Variants in ACMSD observed in about 807,000 individuals in gnomAD.
The protein encoded by ACMSD is 2-amino-3-carboxymuconate-6-semialdehyde decarboxylase.
ACMSD carries 37 observed loss-of-function variants against 45.9 expected under a neutral mutation model. That is an observed-to-expected ratio of 0.81 (90% CI 0.62 to 1.06). ACMSD has a LOEUF of 1.06. Among genes scored for constraint, ACMSD ranks in the 50% least tolerant of loss-of-function variants. The pLI, the probability that ACMSD is intolerant of heterozygous loss-of-function variation, is 0.00. For synonymous variants in ACMSD, 138 were observed against 148.8 expected, an observed-to-expected ratio of 0.93 and a Z score of 0.53; for missense variants, 434 against 420.9, an observed-to-expected ratio of 1.03 and a Z score of -0.27.
At chr2:134,872,851 CTA>C in intron 8 of ACMSD, 1 of 551,600 alleles carries the variant, frequency 1.8e-6, no homozygotes, top group East Asian at 3.0e-5. Context: ...CACTAAGAAA[CTA>C]TTATATATGC....
rs1225345766 is a variant in ACMSD at position 134,845,554 on chromosome 2, T to TCC, written c.102+280_102+281dup. Among the ~76,000 whole-genome samples, 23 of 119,686 alleles carry TCC rather than the reference T, an allele frequency of 1.9e-4. No individual in the cohort carries two copies. The East Asian group carries it at 3.5e-3, about 18-fold the overall frequency. 78.5% of individuals were successfully genotyped at this position (119,686 alleles called of 152,430 possible). A position where few individuals can be genotyped will look rare whatever the true frequency, so the allele number is the denominator to read the frequency against. On this transcript the variant is annotated intron_variant, in intron 2 of 9. Transcript: ENST00000356140. ...CTCTCTCTCTCTCTCTCTCTCTCTC[T>TCC]CCCCTCTCCCCACCCCCACCAACCA...
At chr2:134,843,559 C>T (rs973757637) in intron 1 of ACMSD, among the ~76,000 whole-genome samples, 2 of 152,148 alleles carry the variant, frequency 1.3e-5, no homozygotes, top group Non-Finnish European at 2.9e-5. Context: ...GAAAGGAGTC[C>T]ACCAAGACCT....
intron 8 of ACMSD, among the ~76,000 whole-genome samples, chr2:134,884,561 G>T (rs1000628332): frequency 2.8e-4 from 42 of 152,146 alleles, no homozygotes; most frequent in African/African-American, 9.4e-4. Flanking sequence ...TTAGCAAGAG[G>T]AGTTTAGAAA....
At position 134,859,362 on chromosome 2, in the gene ACMSD, G is replaced by A. The variant is rs761455897; in HGVS notation, c.199+5G>A. 28 of 1,612,720 alleles carry A rather than the reference G, an allele frequency of 1.7e-5. No homozygotes were observed. The highest frequency in any genetic ancestry group is 8.9e-5 in the East Asian group (4 of 44,884). ...TTAGAGAAATGGACCAAAAAGGTAC[G>A]ATGAGAAGTGCTACCAATGTTAGCA... On this transcript the variant is annotated splice_donor_5th_base_variant and intron_variant, in intron 3 of 9. Transcript: ENST00000356140.
intron 8 of ACMSD, among the ~76,000 whole-genome samples, chr2:134,880,238 C>T (rs1333078992): frequency 1.3e-5 from 2 of 152,074 alleles, no homozygotes; most frequent in Non-Finnish European, 2.9e-5. Context: ...GTAAAACCTG[C>T]TTCTCTCTTC....
At chr2:134,888,810 A>G (rs1689609431) in intron 8 of ACMSD, among the ~76,000 whole-genome samples, 1 of 152,156 alleles carries the variant, frequency 6.6e-6, no homozygotes, top group East Asian at 1.9e-4. Flanking sequence ...TACGGTGAAA[A>G]AAAAAGACAA....
intron 2 of ACMSD, among the ~76,000 whole-genome samples, chr2:134,846,257 A>T (rs997298667): frequency 1.3e-5 from 2 of 152,312 alleles, no homozygotes; most frequent in South Asian, 2.1e-4. Flanking sequence ...TGGTCCCACA[A>T]CCAGTTTCAC....
intron 8 of ACMSD, among the ~76,000 whole-genome samples, chr2:134,895,692 C>G (rs1186706217): frequency 1.3e-5 from 2 of 152,124 alleles, no homozygotes; most frequent in African/African-American, 4.8e-5. Context: ...AAAACCCTGT[C>G]TCTACTAAAA....
rs572884372 is a variant in ACMSD, at chr2:134,858,808, A to G, written c.103-453A>G. 7.9e-5 allele frequency among the ~76,000 whole-genome samples: 12 copies of G among 151,982 alleles called. No individual in the cohort carries two copies. In the East Asian group the frequency reaches 2.1e-3, roughly 27 times the overall value. On this transcript the variant is annotated intron_variant, in intron 2 of 9. Coordinates refer to ENST00000356140, the MANE Select transcript of ACMSD (RefSeq NM_138326.3). ...CTAGTGGGCCCTGCTCTGTTTGACA[A>G]ATCATACACTGCCATTATCCATATA...
chr2:134,889,628 TAAGTA>T (rs1295370162), intron 8 of ACMSD, among the ~76,000 whole-genome samples: 1 of 152,114 alleles, frequency 6.6e-6, no homozygotes, highest in African/African-American at 2.4e-5. Flanking sequence ...TTAGGTAATA[TAAGTA>T]AAGGATGATT....
intron 6 of ACMSD, among the ~76,000 whole-genome samples, chr2:134,868,492 G>A (rs575064102): frequency 1.1e-4 from 14 of 130,206 alleles, no homozygotes; most frequent in Admixed American, 6.6e-4. Flanking sequence ...TCACTCTGTC[G>A]CCCAGACTGG....
rs1690001964 is a variant in ACMSD, at chr2:134,894,827, A to G, written c.850-3514A>G. Among the ~76,000 whole-genome samples the G allele has an allele frequency of 2.6e-5, 4 of 152,168 alleles. No individual in the cohort carries two copies. In the South Asian group the frequency reaches 6.2e-4, roughly 24 times the overall value. On this transcript the variant is annotated intron_variant, in intron 8 of 9. Coordinates refer to ENST00000356140, the MANE Select transcript of ACMSD (RefSeq NM_138326.3). ...CTACTTGCAATTGAGACGGCTTTGTATCTAGAAAATCCTAAAGAATCCACA... is the reference window on the plus strand; with the variant it reads ...CTACTTGCAATTGAGACGGCTTTGTGTCTAGAAAATCCTAAAGAATCCACA...
chr2:134,871,019 T>G lies in ACMSD; in HGVS notation c.635T>G (p.Phe212Cys). Residue 212 changes from phenylalanine to cysteine, a missense_variant, in exon 7 of 10, where the codon TTT (phenylalanine) becomes TGT (cysteine). Physicochemically the swap from Phe to Cys is radical, Grantham distance 205 (BLOSUM62 -2). Coordinates refer to ENST00000356140, the MANE Select transcript of ACMSD (RefSeq NM_138326.3). Reference protein sequence around the residue: ...AICSMIMGGVFEKFPKLKVCF... With the variant: ...AICSMIMGGVCEKFPKLKVCF... ...TGCTCCATGATCATGGGTGGAGTAT[T>G]TGAGAAGTTTCCCAAACTGAAAGTG... 1 of 1,614,150 alleles carries G rather than the reference T, an allele frequency of 6.2e-7. No homozygotes were observed. The highest frequency in any genetic ancestry group is 1.7e-5 in the Admixed American group (1 of 60,002).
At chr2:134,846,435 G>A (rs1048862804) in intron 2 of ACMSD, among the ~76,000 whole-genome samples, 2 of 152,034 alleles carry the variant, frequency 1.3e-5, no homozygotes, top group African/African-American at 2.4e-5. Context: ...ACAAAGTCTC[G>A]CTCTATTGCC....
At chr2:134,869,179 C>A (rs1035063509) in intron 6 of ACMSD, 1 of 151,816 alleles carries the variant, frequency 6.6e-6, no homozygotes, top group African/African-American at 2.4e-5. Flanking sequence ...CCCTTATTCA[C>A]AAAACTCTGA....
At chr2:134,844,872 G>A (rs1428185932) in intron 1 of ACMSD, among the ~76,000 whole-genome samples, 1 of 152,170 alleles carries the variant, frequency 6.6e-6, no homozygotes, top group Non-Finnish European at 1.5e-5. Context: ...GAAAAGCAGT[G>A]TATTTCCTAA....
At chr2:134,875,267 C>T (rs1233669889) in intron 8 of ACMSD, among the ~76,000 whole-genome samples, 1 of 152,164 alleles carries the variant, frequency 6.6e-6, no homozygotes, top group Non-Finnish European at 1.5e-5. Flanking sequence ...GCTGGGATTA[C>T]AGGCATGAGT....
intron 8 of ACMSD, among the ~76,000 whole-genome samples, chr2:134,889,301 C>T (rs1000807548): frequency 6.6e-6 from 1 of 152,140 alleles, no homozygotes; most frequent in Non-Finnish European, 1.5e-5. Context: ...GGTATTTCCA[C>T]ATCAGTAGCA....
chr2:134,893,209 ATT>A (rs10572074), intron 8 of ACMSD, among the ~76,000 whole-genome samples: 30,992 of 132,556 alleles, frequency 0.23, 3,242 homozygotes, highest in Middle Eastern at 0.55. Context: ...ATCACACTGC[ATT>A]TTTTTTTTTT....
Sources: allele counts gnomAD v4.1 joint callset (sites outside exome capture counted in the v4.1 genomes callset), GRCh38; gene constraint gnomAD v4.1.1; transcripts MANE v1.5; gene names NCBI Gene and HGNC (gene_info 2026-07-23, HGNC 2026-07-21).